Variants in MME observed in about 807,000 individuals in gnomAD.
The protein encoded by MME is membrane metalloendopeptidase.
A neutral mutation model predicts 113.2 loss-of-function variants in MME; 98 were observed. The observed-to-expected ratio is 0.87, with a 90% CI of 0.74 to 1.02. The LOEUF is 1.02. MME is among the 50% of genes least tolerant of loss of function. MME has a pLI of 0.00. For missense variants in MME, 836 were observed against 896.0 expected, an observed-to-expected ratio of 0.93 and a Z score of 0.86; for synonymous variants, 292 against 300.6, an observed-to-expected ratio of 0.97 and a Z score of 0.30.
At chr3:155,160,493 C>G in intron 17 of MME, 45 bp downstream of exon 17, 1 of 1,332,128 alleles carries the variant, frequency 7.5e-7, no homozygotes, top group Non-Finnish European at 1.1e-6. Context: ...CTCTATCGTT[C>G]CCAACCTGTA....
intron 22 of MME, among the ~76,000 whole-genome samples, chr3:155,176,157 A>G (rs1038345772): frequency 6.6e-6 from 1 of 152,152 alleles, no homozygotes; most frequent in African/African-American, 2.4e-5. Context: ...TTGTCTGAGG[A>G]CCCATTAATT....
intron 15 of MME, among the ~76,000 whole-genome samples, chr3:155,147,779 C>T (rs1467639093): frequency 6.6e-6 from 1 of 152,196 alleles, no homozygotes; most frequent in East Asian, 1.9e-4. Flanking sequence ...TCTGCAGTCA[C>T]CACAACTACA....
intron 7 of MME, among the ~76,000 whole-genome samples, chr3:155,117,606 T>A (rs892380693): frequency 3.3e-5 from 2 of 61,238 alleles, no homozygotes; most frequent in Non-Finnish European, 7.9e-5. Context: ...TTTGTTTTTT[T>A]TTTTTTTTGG....
chr3:155,084,390 T>G (rs1005128801), intron 2 of MME, 63 bp downstream of exon 2: 4 of 1,528,666 alleles, frequency 2.6e-6, no homozygotes, highest in Non-Finnish European at 3.6e-6. Flanking sequence ...TCCTCCATGC[T>G]TTTACCATCT....
intron 3 of MME, among the ~76,000 whole-genome samples, chr3:155,088,422 G>A (rs906644541): frequency 3.1e-4 from 47 of 152,124 alleles, no homozygotes; most frequent in African/African-American, 9.4e-4. Flanking sequence ...GGTGGCTCAC[G>A]CCTGTAATCC....
intron 8 of MME, among the ~76,000 whole-genome samples, chr3:155,135,439 G>A (rs184004710): frequency 2.1e-4 from 29 of 135,590 alleles, no homozygotes; most frequent in African/African-American, 6.9e-4. Context: ...CAGATCAGAT[G>A]GCTGTAGGTG....
intron 8 of MME, among the ~76,000 whole-genome samples, chr3:155,135,443 G>C (rs768372420): frequency 1.4e-5 from 2 of 146,358 alleles, no homozygotes; most frequent in Admixed American, 7.0e-5. Flanking sequence ...TCAGATGGCT[G>C]TAGGTGTGCT....
At chr3:155,059,421 C>G (rs1025384813) in intron 1 of MME, among the ~76,000 whole-genome samples, 1 of 152,090 alleles carries the variant, frequency 6.6e-6, no homozygotes, top group South Asian at 2.1e-4. Context: ...AAATTTCAAT[C>G]TATTTATTCC....
At chr3:155,086,000 A>G (rs1715688637) in intron 3 of MME, among the ~76,000 whole-genome samples, 1 of 152,364 alleles carries the variant, frequency 6.6e-6, no homozygotes, top group Non-Finnish European at 1.5e-5. Flanking sequence ...TAGCCTTGAT[A>G]TTGTAATACA....
At chr3:155,053,023 G>C (rs1475777793) in intron 1 of MME, among the ~76,000 whole-genome samples, 4 of 152,148 alleles carry the variant, frequency 2.6e-5, no homozygotes, top group African/African-American at 4.8e-5. Flanking sequence ...CTTTACTCCA[G>C]TTCCCAACAA....
At chr3:155,044,267 G>T (rs1231700157) in intron 1 of MME, among the ~76,000 whole-genome samples, 2 of 149,128 alleles carry the variant, frequency 1.3e-5, no homozygotes, top group Non-Finnish European at 3.0e-5. Flanking sequence ...GGAGTAGCTG[G>T]CATTACAGGT....
chr3:155,180,314 C>T (rs756100888), intron 22 of MME, 46 bp from the exon 23 acceptor site: 9 of 1,345,708 alleles, frequency 6.7e-6, no homozygotes, highest in African/African-American at 1.4e-5. Flanking sequence ...GTGGTATGGA[C>T]GTGAGTATCA....
intron 3 of MME, chr3:155,085,345 T>G: frequency 3.2e-6 from 1 of 311,410 alleles, no homozygotes; most frequent in Non-Finnish European, 5.9e-6. Flanking sequence ...ATATCGCTAT[T>G]TGTATGGAGC....
chr3:155,103,451 ATCT>A (rs1365997450), intron 3 of MME, among the ~76,000 whole-genome samples: 3 of 152,168 alleles, frequency 2.0e-5, no homozygotes, highest in African/African-American at 7.2e-5. Context: ...TATCTGATCC[ATCT>A]TCTTTGCTAG....
chr3:155,068,423 CTT>C (rs1295317501), intron 1 of MME, among the ~76,000 whole-genome samples: 7 of 152,160 alleles, frequency 4.6e-5, no homozygotes, highest in Admixed American at 6.5e-5. Flanking sequence ...AAATTATACA[CTT>C]AAATATGTGC....
chr3:155,172,723 C>CTT lies in MME; in HGVS notation c.2153+124_2153+125dup, dbSNP rs11445808. The CTT allele has an allele frequency of 0.039, 24,315 of 629,374 alleles. 182 individuals carry two copies. Among genetic ancestry groups the CTT allele is most frequent in the Middle Eastern group, 0.097 (334 of 3,446 alleles). The allele number at this position is 629,374 out of a possible 1,614,324, so 39.0% of individuals were successfully genotyped here. On this transcript the variant is annotated intron_variant, in intron 22 of 22. Transcript: ENST00000360490. ...TTCTTTTACATTTGGAAATTCAGTG[C>CTT]TTTTTTTTTTTTTTGAGAGTCAAAG...
intron 10 of MME, among the ~76,000 whole-genome samples, chr3:155,141,521 A>G (rs1325953545): frequency 2.6e-5 from 4 of 152,184 alleles, no homozygotes; most frequent in African/African-American, 7.2e-5. Context: ...ACTTCATAAC[A>G]TCACTGTACC....
intron 8 of MME, among the ~76,000 whole-genome samples, chr3:155,126,870 A>C (rs974705047): frequency 3.3e-5 from 5 of 151,976 alleles, no homozygotes; most frequent in East Asian, 3.9e-4. Context: ...GTGGTTCTGC[A>C]TGCCTGTAAT....
In MME at chr3:155,116,408, A is replaced by G. The variant is rs576256723; in HGVS notation, c.359-71A>G. ...ACTTTGCAAATGTTAATTACTGCAA[A>G]TGAGCAATTATGTTTGCATAGTGCA... On this transcript the variant is annotated intron_variant, in intron 4 of 22. Coordinates refer to ENST00000360490, the MANE Select transcript of MME (RefSeq NM_007289.4). 5.5e-5 allele frequency: 63 copies of G among 1,149,830 alleles called. No individual in the cohort carries two copies. In the African/African-American group the frequency reaches 8.9e-4, roughly 16 times the overall value. 71.2% of individuals were successfully genotyped at this position (1,149,830 alleles called of 1,614,324 possible). A position where few individuals can be genotyped will look rare whatever the true frequency, so the allele number is the denominator to read the frequency against.
Sources: gnomAD v4.1 joint callset for allele counts (sites outside exome capture counted in the v4.1 genomes callset) on GRCh38, gnomAD v4.1.1 for gene constraint, MANE v1.5 for transcripts, NCBI Gene and HGNC (gene_info 2026-07-23, HGNC 2026-07-21) for gene names.